PCDH15: variants seen among roughly 807,000 people sequenced by gnomAD.
The protein encoded by PCDH15 is protocadherin-15.
PCDH15 carries 129 observed loss-of-function variants against 178.5 expected under a neutral mutation model. The ratio of observed to expected loss-of-function variants is 0.72; its 90% CI spans 0.63 to 0.84. The LOEUF is 0.84. Ranked by LOEUF, PCDH15 falls within the 40% of genes least tolerant of loss-of-function variation. The pLI, the probability that PCDH15 is intolerant of heterozygous loss-of-function variation, is 0.00. For missense variants in PCDH15, 2,230 were observed against 2,099.9 expected, an observed-to-expected ratio of 1.06 and a Z score of -1.21; for synonymous variants, 800 against 732.0, an observed-to-expected ratio of 1.09 and a Z score of -1.50.
chr10:55,408,189 T>A (rs1031373679), intron 2 of PCDH15, among the ~76,000 whole-genome samples: 1 of 101,880 alleles, frequency 9.8e-6, no homozygotes, highest in East Asian at 2.1e-4. Flanking sequence ...TGATTCTTTT[T>A]TCTTTTTTTT....
At chr10:53,927,409 T>C (rs2133944856) in intron 25 of PCDH15, among the ~76,000 whole-genome samples, 1 of 152,318 alleles carries the variant, frequency 6.6e-6, no homozygotes, top group South Asian at 2.1e-4. Flanking sequence ...TCAAATGTTC[T>C]TGCAAATCTG....
At chr10:54,322,139 T>G (rs953464137) in intron 7 of PCDH15, among the ~76,000 whole-genome samples, 45 of 152,112 alleles carry the variant, frequency 3.0e-4, no homozygotes, top group Non-Finnish European at 2.8e-4. Flanking sequence ...TTGATCTTTA[T>G]AGTAATATAC....
chr10:55,555,190 T>C (rs1842067900), intron 2 of PCDH15, among the ~76,000 whole-genome samples: 1 of 152,120 alleles, frequency 6.6e-6, no homozygotes, highest in South Asian at 2.1e-4. Context: ...AATCACTCTA[T>C]GCTGAGTGTT....
chr10:53,981,891 A>C (rs2090675915), intron 21 of PCDH15, among the ~76,000 whole-genome samples: 1 of 150,102 alleles, frequency 6.7e-6, no homozygotes, highest in African/African-American at 2.4e-5. Flanking sequence ...CAACCTACAA[A>C]ATGGGAGAAA....
chr10:53,918,713 A>AAC lies in PCDH15; in HGVS notation c.3374-15345_3374-15344dup, dbSNP rs5741702. Among the ~76,000 whole-genome samples, 737 of 147,006 alleles carry AAC rather than the reference A, an allele frequency of 5.0e-3. 2 individuals are homozygous for AAC. Among genetic ancestry groups the AAC allele is most frequent in the Non-Finnish European group, 8.2e-3 (543 of 66,156 alleles). On this transcript the variant is annotated intron_variant, in intron 25 of 37. Coordinates refer to ENST00000644397, the MANE Select transcript of PCDH15 (RefSeq NM_001384140.1). ...CTCTGTCCTTTAATGCAAATACACAAACACACACACACACACACACACACA... is the reference window on the plus strand; with the variant it reads ...CTCTGTCCTTTAATGCAAATACACAAACACACACACACACACACACACACACA...
At chr10:55,125,200 T>C (rs1033524177) in intron 2 of PCDH15, among the ~76,000 whole-genome samples, 1 of 151,178 alleles carries the variant, frequency 6.6e-6, no homozygotes, top group Non-Finnish European at 1.5e-5. Flanking sequence ...TGTGTAAGTT[T>C]AACAAAAATC....
chr10:54,519,635 G>T (rs1307883747), intron 3 of PCDH15, among the ~76,000 whole-genome samples: 1 of 152,084 alleles, frequency 6.6e-6, no homozygotes, highest in African/African-American at 2.4e-5. Flanking sequence ...TGGCCATACT[G>T]CCCAAGGTAA....
intron 1 of PCDH15, among the ~76,000 whole-genome samples, chr10:55,251,350 C>T (rs563890645): frequency 1.1e-4 from 16 of 152,074 alleles, no homozygotes; most frequent in African/African-American, 2.4e-4. Context: ...CTGAAGCAAT[C>T]GTACTCCACC....
chr10:54,467,971 G>A (rs929595779), intron 3 of PCDH15, among the ~76,000 whole-genome samples: 29 of 151,802 alleles, frequency 1.9e-4, no homozygotes, highest in Admixed American at 1.8e-3. Flanking sequence ...ATTCGTAATC[G>A]TCTCTGGTGA....
chr10:55,081,646 G>T (rs530560799), intron 2 of PCDH15, among the ~76,000 whole-genome samples: 1 of 152,056 alleles, frequency 6.6e-6, no homozygotes, highest in African/African-American at 2.4e-5. Flanking sequence ...TTGCCCTTTC[G>T]CTATGTGAGT....
chr10:55,558,118 C>A (rs945190789), intron 2 of PCDH15, among the ~76,000 whole-genome samples: 5 of 151,966 alleles, frequency 3.3e-5, no homozygotes, highest in African/African-American at 4.8e-5. Flanking sequence ...AGTGAAGAGA[C>A]TGTGGTAGCA....
chr10:53,881,636 A>T (rs548596918), intron 26 of PCDH15, among the ~76,000 whole-genome samples: 2 of 152,314 alleles, frequency 1.3e-5, no homozygotes, highest in Admixed American at 1.3e-4. Flanking sequence ...AATCATTGAA[A>T]AAAACCAAGC....
At chr10:55,559,986 C>T (rs1043331593) in intron 2 of PCDH15, among the ~76,000 whole-genome samples, 12 of 152,034 alleles carry the variant, frequency 7.9e-5, no homozygotes, top group Middle Eastern at 3.4e-3. Flanking sequence ...TACGCCTAGA[C>T]TCATACAACA....
intron 21 of PCDH15, among the ~76,000 whole-genome samples, chr10:53,985,150 TG>T (rs1659008070): frequency 6.6e-6 from 1 of 152,196 alleles, no homozygotes; most frequent in Non-Finnish European, 1.5e-5. Context: ...AGTGAGATTT[TG>T]GTGTTGTTTA....
At chr10:54,233,717 A>C (rs1329906905) in intron 9 of PCDH15, among the ~76,000 whole-genome samples, 1 of 152,242 alleles carries the variant, frequency 6.6e-6, no homozygotes, top group African/African-American at 2.4e-5. Flanking sequence ...GTCAGAGATG[A>C]GAGCTTAGGG....
rs539329558 is a variant in PCDH15, at chr10:54,372,341, A to G, written c.319-3066T>C. ...CCTCACTTAGTCCTGCTAAGTACCC[A>G]TAAATTAGATCTAACCAGGTCACCT... On this transcript the variant is annotated intron_variant, in intron 4 of 37. Transcript: ENST00000644397. 3.3e-5 allele frequency among the ~76,000 whole-genome samples: 5 copies of G among 151,924 alleles called. No homozygotes were observed. In the East Asian group the frequency reaches 9.7e-4, roughly 29 times the overall value.
rs199687662 is a variant in PCDH15, at chr10:53,823,632, GT to G, written c.4368-3403del. On this transcript the variant is annotated intron_variant, in intron 32 of 37. Transcript: ENST00000644397. ...TTGGAAGAGAGTATTTTTTGTTTTT[GT>G]TTTTTTTCAGCTAGTGTGATACAGC... is the stretch of plus-strand genomic sequence containing the variant. 8.1e-5 allele frequency: 41 copies of G among 509,186 alleles called. 1 individual carries two copies. Among genetic ancestry groups the G allele is most frequent in the African/African-American group, 5.2e-4 (26 of 50,236 alleles). The allele number at this position is 509,186 out of a possible 1,614,324, so 31.5% of individuals were successfully genotyped here.
chr10:55,325,681 C>A (rs1240347478), intron 2 of PCDH15, among the ~76,000 whole-genome samples: 1 of 152,010 alleles, frequency 6.6e-6, no homozygotes, highest in Admixed American at 6.6e-5. Flanking sequence ...ACACCAAAAG[C>A]AATTGCAACA....
intron 2 of PCDH15, among the ~76,000 whole-genome samples, chr10:55,382,773 A>T (rs1172146200): frequency 6.6e-6 from 1 of 152,050 alleles, no homozygotes; most frequent in African/African-American, 2.4e-5. Flanking sequence ...GAGTTCCTTG[A>T]CCCCTTCACG....
Sources: allele counts gnomAD v4.1 joint callset (sites outside exome capture counted in the v4.1 genomes callset), GRCh38; gene constraint gnomAD v4.1.1; transcripts MANE v1.5; gene names NCBI Gene and HGNC (gene_info 2026-07-23, HGNC 2026-07-21).